Variants in CENPQ observed in about 807,000 individuals in gnomAD.
CENPQ encodes chromosome 6 open reading frame 139.
CENPQ carries 27 observed loss-of-function variants against 36.6 expected under a neutral mutation model. The ratio of observed to expected loss-of-function variants is 0.74; its 90% CI spans 0.54 to 1.02. The LOEUF is 1.02. CENPQ is among the 50% of genes least tolerant of loss of function. The pLI, the probability that CENPQ is intolerant of heterozygous loss-of-function variation, is 0.00. For missense variants in CENPQ, 306 were observed against 301.8 expected (o/e 1.01, Z -0.10); for synonymous variants, 101 against 101.7 (o/e 0.99, Z 0.04).
In CENPQ at chr6:49,476,128, CA is replaced by C. The variant is rs1768283345; in HGVS notation, c.347+3275del. ...CCCGCATTGCCAAGACAATCCTAAG[CA>C]AAAAGAACAAAGCTGGAGGCATCAC... On this transcript the variant is annotated intron_variant, in intron 5 of 8. Transcript: ENST00000335783. Among the ~76,000 whole-genome samples the C allele has an allele frequency of 2.6e-5, 4 of 151,724 alleles. No individual in the cohort carries two copies. In the South Asian group the frequency reaches 8.3e-4, roughly 31 times the overall value.
intron 5 of CENPQ, 116 bp downstream of exon 5, chr6:49,472,974 G>T: frequency 2.9e-6 from 2 of 691,846 alleles, no homozygotes; most frequent in Non-Finnish European, 4.0e-6. Flanking sequence ...TTTAGAGAAG[G>T]TGAACAACTT....
chr6:49,477,596 C>T (rs1186738623), intron 5 of CENPQ, among the ~76,000 whole-genome samples: 1 of 151,396 alleles, frequency 6.6e-6, no homozygotes, highest in African/African-American at 2.4e-5. Context: ...TGTTCTGTTT[C>T]TCAGTTTCAA....
rs569544539 is a variant in CENPQ at position 49,484,026 on chromosome 6, T to C, written c.477+2946T>C. On this transcript the variant is annotated intron_variant, in intron 6 of 8. Transcript: ENST00000335783. ...TCAGATTTTAACTGAACTATCTTAG[T>C]ATTTTTAATTATCAATTTAGAGGAG... Among the ~76,000 whole-genome samples, 20 of 152,356 alleles carry C rather than the reference T, an allele frequency of 1.3e-4. No individual in the cohort carries two copies. The South Asian group carries it at 3.9e-3, about 30-fold the overall frequency.
intron 6 of CENPQ, among the ~76,000 whole-genome samples, chr6:49,486,216 A>G (rs1296819479): frequency 6.6e-6 from 1 of 152,232 alleles, no homozygotes; most frequent in Non-Finnish European, 1.5e-5. Flanking sequence ...TGAAAAAGAC[A>G]AGAAACCATT....
intron 2 of CENPQ, 29 bp downstream of exon 2, chr6:49,470,307 G>C (rs1334884772): frequency 2.1e-6 from 3 of 1,433,152 alleles, no homozygotes; most frequent in African/African-American, 2.8e-5. Context: ...TTCTCATTTA[G>C]AAATCTTCAA....
chr6:49,491,482 T>C (rs2127428833), intron 8 of CENPQ, among the ~76,000 whole-genome samples: 1 of 152,342 alleles, frequency 6.6e-6, no homozygotes, highest in Non-Finnish European at 1.5e-5. Flanking sequence ...TTAATGCTTC[T>C]AACAATAGCA....
At chr6:49,487,287 C>T (rs1369042925) in intron 6 of CENPQ, among the ~76,000 whole-genome samples, 2 of 148,632 alleles carry the variant, frequency 1.3e-5, no homozygotes, top group Non-Finnish European at 3.0e-5. Flanking sequence ...AGGGGCCAGA[C>T]AACATTTTAG....
At position 49,476,581 on chromosome 6, in the gene CENPQ, A is replaced by G. The variant is rs186307872; in HGVS notation, c.347+3723A>G. 2.3e-3 allele frequency among the ~76,000 whole-genome samples: 343 copies of G among 152,360 alleles called. 1 individual carries two copies. Among genetic ancestry groups the G allele is most frequent in the Middle Eastern group, 0.014 (4 of 294 alleles). On this transcript the variant is annotated intron_variant, in intron 5 of 8. Coordinates refer to ENST00000335783, the MANE Select transcript of CENPQ (RefSeq NM_018132.4). ...AGCCAAAATTGACAAATGGGATCTAATTAAACTAAAGAGCTTCTGCACATC... is the reference window on the plus strand; with the variant it reads ...AGCCAAAATTGACAAATGGGATCTAGTTAAACTAAAGAGCTTCTGCACATC...
Position 49,488,604 on chromosome 6 carries a change from T to C in CENPQ, c.598-3T>C, listed in dbSNP as rs1159473876. 3 of 1,612,334 alleles carry C rather than the reference T, an allele frequency of 1.9e-6. No individual in the cohort carries two copies. The highest frequency in any genetic ancestry group is 2.5e-6 in the Non-Finnish European group (3 of 1,178,426). On this transcript the variant is annotated splice_polypyrimidine_tract_variant and splice_region_variant and intron_variant, in intron 7 of 8. Coordinates refer to ENST00000335783, the MANE Select transcript of CENPQ (RefSeq NM_018132.4). ...AATAATCTGTAGCTTTCTTCTACTT[T>C]AGATGCATCAAATAAATAGTAGTGG...
At chr6:49,472,421 A>G (rs1768163596) in intron 4 of CENPQ, among the ~76,000 whole-genome samples, 1 of 152,164 alleles carries the variant, frequency 6.6e-6, no homozygotes, top group South Asian at 2.1e-4. Flanking sequence ...CTTGCTATCA[A>G]TAAAATTTTA....
Position 49,471,007 on chromosome 6 carries a change from C to G in CENPQ, c.136C>G (p.Leu46Val). ...RNTVKKNKNH[L>V]KDLSSEGQTK... Reference sequence around the variant, plus strand: ...CACAGTGAAAAAAAATAAAAATCATCTGAAAGATCTGTCTTCTGAAGGTAT... The same window carrying G: ...CACAGTGAAAAAAAATAAAAATCATGTGAAAGATCTGTCTTCTGAAGGTAT... The change falls in exon 3 of 9, where the codon CTG (leucine) becomes GTG (valine). Residue 46 changes from leucine (L) to valine (V), a missense_variant. By Grantham distance (32) the Leu-to-Val change is conservative. Coordinates refer to ENST00000335783, the MANE Select transcript of CENPQ (RefSeq NM_018132.4). 6.5e-7 allele frequency: 1 copy of G among 1,529,252 alleles called. No homozygotes were observed. The highest frequency in any genetic ancestry group is 8.8e-7 in the Non-Finnish European group (1 of 1,131,632). 94.7% of individuals were successfully genotyped at this position (1,529,252 alleles called of 1,614,324 possible). A position where few individuals can be genotyped will look rare whatever the true frequency, so the allele number is the denominator to read the frequency against.
chr6:49,490,605 T>C (rs1052950225), intron 8 of CENPQ, among the ~76,000 whole-genome samples: 1 of 152,264 alleles, frequency 6.6e-6, no homozygotes, highest in African/African-American at 2.4e-5. Context: ...ACAAGAGGCC[T>C]AGCTTTTGGT....
chr6:49,480,154 G>A (rs1768394711), intron 5 of CENPQ, among the ~76,000 whole-genome samples: 1 of 152,000 alleles, frequency 6.6e-6, no homozygotes, highest in African/African-American at 2.4e-5. Flanking sequence ...GGGATAGTGG[G>A]TTCCACTATT....
chr6:49,473,764 C>G (rs1027230265), intron 5 of CENPQ, among the ~76,000 whole-genome samples: 75 of 152,146 alleles, frequency 4.9e-4, no homozygotes, highest in African/African-American at 1.7e-3. Flanking sequence ...GTGCTGTATT[C>G]AGGAGACCCA....
In CENPQ at chr6:49,488,591, C is replaced by T. The variant is rs746830717; in HGVS notation, c.598-16C>T. The T allele has an allele frequency of 3.4e-5, 55 of 1,607,490 alleles. No individual in the cohort carries two copies. The highest frequency in any genetic ancestry group is 4.4e-5 in the Non-Finnish European group (52 of 1,174,638). The stretch of plus-strand genomic sequence containing the variant: ...ATCAGCTTTTTGAAATAATCTGTAG[C>T]TTTCTTCTACTTTAGATGCATCAAA... On this transcript the variant is annotated splice_polypyrimidine_tract_variant and intron_variant, in intron 7 of 8. Transcript: ENST00000335783.
intron 1 of CENPQ, among the ~76,000 whole-genome samples, chr6:49,465,367 T>A (rs190702675): frequency 6.6e-6 from 1 of 152,340 alleles, no homozygotes; most frequent in Non-Finnish European, 1.5e-5. Context: ...TATTTCAGAA[T>A]GGTCAATGAG....
chr6:49,487,164 A>AAT, intron 6 of CENPQ, among the ~76,000 whole-genome samples: 3 of 202 alleles, frequency 0.015, 1 homozygote, highest in African/African-American at 0.015. Flanking sequence ...AAAAAAAAAA[A>AAT]AAAAATAAAA....
chr6:49,466,818 G>A (rs1281200573), intron 1 of CENPQ, among the ~76,000 whole-genome samples: 1 of 152,062 alleles, frequency 6.6e-6, no homozygotes, highest in Admixed American at 6.5e-5. Flanking sequence ...TTACTAATGG[G>A]GAAAATGAGT....
Position 49,470,265 on chromosome 6 carries a change from T to G in CENPQ, c.89T>G (p.Leu30Trp). 2.5e-6 allele frequency: 4 copies of G among 1,582,872 alleles called. No homozygotes were observed. The highest frequency in any genetic ancestry group is 3.5e-6 in the Non-Finnish European group (4 of 1,154,346). Residue 30 changes from leucine (L) to tryptophan (W), a missense_variant, in exon 2 of 9, where the codon TTG (leucine) becomes TGG (tryptophan). Leu to Trp is a moderately conservative substitution (Grantham distance 61). Transcript: ENST00000335783. Reference sequence around the variant, plus strand: ...AAAAAGGATAATGAGGAAGTTGTGTTGTCAGAGAATAAGGTAATGAAAATA... The same window carrying G: ...AAAAAGGATAATGAGGAAGTTGTGTGGTCAGAGAATAAGGTAATGAAAATA... ...KRKKDNEEVV[L>W]SENKVRNTVK...
Sources: gnomAD v4.1 joint callset for allele counts (sites outside exome capture counted in the v4.1 genomes callset) on GRCh38, gnomAD v4.1.1 for gene constraint, MANE v1.5 for transcripts, NCBI Gene and HGNC (gene_info 2026-07-23, HGNC 2026-07-21) for gene names.